The following SPG7 variants were observed in gnomAD, a reference collection of about 807,000 sequenced individuals.
SPG7 encodes mitochondrial inner membrane m-AAA protease component paraplegin.
SPG7 carries 103 observed loss-of-function variants against 81.9 expected under a neutral mutation model. The observed-to-expected ratio is 1.26, with a 90% CI of 1.07 to 1.48. The LOEUF (loss-of-function observed/expected upper bound fraction) is 1.48. Among genes scored for constraint, SPG7 ranks in the 40% most tolerant of loss-of-function variants. The probability of loss-of-function intolerance (pLI) is 0.00; values close to 1 mark genes in which losing one functional copy is unlikely to be tolerated. For missense variants in SPG7, 1,241 were observed against 1,087.3 expected (o/e 1.14, Z -1.99); for synonymous variants, 534 against 444.2 (o/e 1.20, Z -2.54).
intron 4 of SPG7, among the ~76,000 whole-genome samples, chr16:89,524,847 T>C (rs1440826939): frequency 6.6e-6 from 1 of 152,164 alleles, no homozygotes; most frequent in African/African-American, 2.4e-5. Flanking sequence ...TGGTCTGGGG[T>C]TGGTGTGGCC....
intron 13 of SPG7, 74 bp from the exon 14 acceptor site, chr16:89,552,905 C>T: frequency 6.8e-7 from 1 of 1,461,502 alleles, no homozygotes; most frequent in South Asian, 1.1e-5. Context: ...ACGGAGACCT[C>T]TTAGTCCCAC....
At chr16:89,550,744 C>T (rs1238989568) in intron 13 of SPG7, 135 bp downstream of exon 13, 3 of 696,218 alleles carry the variant, frequency 4.3e-6, no homozygotes, top group East Asian at 2.7e-5. Context: ...GTCTGTAGGT[C>T]ATGTGAGAGG....
intron 10 of SPG7, chr16:89,546,235 C>T (rs1245778893): frequency 2.2e-5 from 7 of 314,128 alleles, no homozygotes; most frequent in African/African-American, 1.3e-4. Context: ...TACAGGCACC[C>T]GCCGTCTTGC....
intron 9 of SPG7, among the ~76,000 whole-genome samples, chr16:89,536,258 C>T (rs1331966531): frequency 1.5e-5 from 2 of 129,666 alleles, no homozygotes; most frequent in East Asian, 4.9e-4. Context: ...AGTGTGGCCT[C>T]TGGTGCTGTG....
At chr16:89,544,348 C>T in intron 9 of SPG7, 1 of 399,394 alleles carries the variant, frequency 2.5e-6, no homozygotes, top group Non-Finnish European at 4.8e-6. Context: ...TTAGGACCGG[C>T]TCCCAGATGG....
intron 2 of SPG7, among the ~76,000 whole-genome samples, chr16:89,512,728 T>A (rs954389274): frequency 6.6e-6 from 1 of 152,250 alleles, no homozygotes; most frequent in African/African-American, 2.4e-5. Flanking sequence ...GCAAAGATAT[T>A]TAACGTAAGT....
chr16:89,510,453 G>T (rs2152393781), intron 1 of SPG7, 37 bp from the exon 2 acceptor site: 1 of 1,294,466 alleles, frequency 7.7e-7, no homozygotes, highest in African/African-American at 1.5e-5. Flanking sequence ...CTCTAATGTT[G>T]GTGTGACCTC....
At chr16:89,526,204 A>G in intron 4 of SPG7, 125 bp from the exon 5 acceptor site, 2 of 1,105,368 alleles carry the variant, frequency 1.8e-6, no homozygotes, top group Middle Eastern at 5.7e-4. Flanking sequence ...TAGTTTCTGA[A>G]TGGTGTCCTC....
chr16:89,545,053 G>A, intron 10 of SPG7: 1 of 490,182 alleles, frequency 2.0e-6, no homozygotes, highest in Non-Finnish European at 3.8e-6. Context: ...CTGTTCACCT[G>A]CTATTGGTTT....
intron 9 of SPG7, among the ~76,000 whole-genome samples, chr16:89,534,924 C>G (rs528305280): frequency 5.3e-5 from 8 of 152,302 alleles, no homozygotes; most frequent in African/African-American, 1.7e-4. Flanking sequence ...TTTTTTGAGA[C>G]AGGGTCTTGC....
At position 89,531,957 on chromosome 16, in the gene SPG7, G is replaced by T; in HGVS notation, c.1041G>T (p.Leu347=). Residue 347 remains leucine (L), a synonymous_variant, in exon 8 of 17, where the codon CTG becomes CTT. Coordinates refer to ENST00000645818, the MANE Select transcript of SPG7 (RefSeq NM_003119.4). ...CCAAGGTCCCAAAGGGCGCACTGCT[G>T]CTCGGCCCCCCCGGCTGTGGGAAGA... The part of the protein sequence containing the change: ...LGAKVPKGAL[L]LGPPGCGKTL... 3 of 1,614,108 alleles carry T rather than the reference G, an allele frequency of 1.9e-6. No individual in the cohort carries two copies. The highest frequency in any genetic ancestry group is 2.5e-6 in the Non-Finnish European group (3 of 1,179,972).
At chr16:89,536,465 A>G (rs1169118823) in intron 9 of SPG7, among the ~76,000 whole-genome samples, 3 of 107,214 alleles carry the variant, frequency 2.8e-5, no homozygotes, top group African/African-American at 7.4e-5. Context: ...GAGGCGGGTG[A>G]GGCGGGTGAG....
At chr16:89,545,852 A>AT (rs34306835) in intron 10 of SPG7, 85,547 of 415,912 alleles carry the variant, frequency 0.21, 9,205 homozygotes, top group Middle Eastern at 0.24. Flanking sequence ...TTTCTTTTTA[A>AT]TTTTTCTTTC....
At chr16:89,528,113 G>A (rs1450399085) in intron 5 of SPG7, among the ~76,000 whole-genome samples, 3 of 150,848 alleles carry the variant, frequency 2.0e-5, no homozygotes, top group Admixed American at 1.3e-4. Context: ...GGTTTGGGCC[G>A]GGCGCGGTGG....
intron 2 of SPG7, among the ~76,000 whole-genome samples, chr16:89,511,534 T>C (rs991162338): frequency 6.6e-6 from 1 of 152,238 alleles, no homozygotes; most frequent in African/African-American, 2.4e-5. Context: ...CATCAGCAAC[T>C]GGCTCATCTG....
intron 3 of SPG7, chr16:89,519,919 G>A (rs1157173370): frequency 3.3e-5 from 5 of 152,200 alleles, no homozygotes; most frequent in Admixed American, 2.6e-4. Context: ...ATGACTGATT[G>A]AAGTGAGTTA....
chr16:89,529,436 A>G (rs759344929), intron 5 of SPG7, 41 bp from the exon 6 acceptor site: 2 of 1,365,940 alleles, frequency 1.5e-6, no homozygotes, highest in Non-Finnish European at 2.1e-6. Flanking sequence ...CTGTCACGTG[A>G]CACCGTCTGA....
chr16:89,537,535 CT>C (rs1218549843), intron 9 of SPG7: 5 of 983,974 alleles, frequency 5.1e-6, no homozygotes, highest in Admixed American at 6.0e-5. Context: ...TATGCTTCGA[CT>C]TTTTTTTTCT....
rs899499149 is a variant in SPG7 at position 89,546,938 on chromosome 16, C to T, written c.1552+178C>T. On this transcript the variant is annotated intron_variant, in intron 11 of 16. Coordinates refer to ENST00000645818, the MANE Select transcript of SPG7 (RefSeq NM_003119.4). ...TATGTGGGGCAGCAGGAGGTCCAGA[C>T]GGCACCCGCACTCCGTCCTCCGCCC... 1.8e-5 allele frequency: 11 copies of T among 626,544 alleles called. 1 individual carries two copies. The highest frequency in any genetic ancestry group is 1.7e-4 in the East Asian group (6 of 34,468). 38.8% of individuals were successfully genotyped at this position (626,544 alleles called of 1,614,324 possible).
Sources: gnomAD v4.1 joint callset for allele counts (sites outside exome capture counted in the v4.1 genomes callset) on GRCh38, gnomAD v4.1.1 for gene constraint, MANE v1.5 for transcripts, NCBI Gene and HGNC (gene_info 2026-07-23, HGNC 2026-07-21) for gene names.